OTUB2: variants seen among roughly 807,000 people sequenced by gnomAD.
OTUB2 encodes the protein ubiquitin thioesterase OTUB2.
A neutral mutation model predicts 25.1 loss-of-function variants in OTUB2; 21 were observed. The observed-to-expected ratio is 0.84, with a 90% CI of 0.59 to 1.21. The LOEUF is 1.21. Among genes scored for constraint, OTUB2 ranks in the 50% most tolerant of loss-of-function variants. The pLI is 0.00. For synonymous variants in OTUB2, 122 were observed against 122.8 expected (o/e 0.99, Z 0.04); for missense variants, 283 against 298.0 (o/e 0.95, Z 0.37).
At position 94,044,770 on chromosome 14, in the gene OTUB2, T is replaced by A. The variant is rs746638881; in HGVS notation, c.488T>A (p.Phe163Tyr). 12 of 1,612,464 alleles carry A rather than the reference T, an allele frequency of 7.4e-6. 1 individual carries two copies. The South Asian group carries it at 1.2e-4, about 16-fold the overall frequency. The change falls in exon 5 of 6, where the codon TTC becomes TAC. Residue 163 changes from phenylalanine (F) to tyrosine (Y), a missense_variant. Transcript: ENST00000203664. The stretch of plus-strand genomic sequence containing the variant: ...GATGAGGAGATGGACATCAAAGACT[T>A]CTGCACTCACGTAGGTGCTTGGGGT... ...FIDEEMDIKD[F>Y]CTHEVEPMAT...
At chr14:94,029,380 G>C (rs1567050531) in intron 1 of OTUB2, among the ~76,000 whole-genome samples, 1 of 152,206 alleles carries the variant, frequency 6.6e-6, no homozygotes, top group Non-Finnish European at 1.5e-5. Context: ...TCCAGATCAA[G>C]GTGTCAGCAG....
chr14:94,038,040 T>C (rs1322655418), intron 2 of OTUB2, among the ~76,000 whole-genome samples: 1 of 152,252 alleles, frequency 6.6e-6, no homozygotes, highest in African/African-American at 2.4e-5. Context: ...CTCTCTGCAC[T>C]CTGCAGGTCT....
intron 3 of OTUB2, 104 bp downstream of exon 3, chr14:94,039,185 G>A (rs1369741406): frequency 3.3e-6 from 3 of 902,416 alleles, no homozygotes; most frequent in East Asian, 2.4e-5. Flanking sequence ...TTAACCCAGA[G>A]AATGAGCTGA....
chr14:94,045,392 T>G (rs942538738), intron 5 of OTUB2, among the ~76,000 whole-genome samples: 1 of 152,232 alleles, frequency 6.6e-6, no homozygotes, highest in Admixed American at 6.5e-5. Flanking sequence ...TAAGATTCTT[T>G]GATGCCCAAC....
intron 1 of OTUB2, among the ~76,000 whole-genome samples, chr14:94,031,385 C>T (rs928063985): frequency 4.6e-5 from 7 of 152,162 alleles, no homozygotes; most frequent in Admixed American, 3.9e-4. Context: ...CTGCGGGCTG[C>T]TTGAGGAGTC....
At chr14:94,029,687 G>A (rs554821062) in intron 1 of OTUB2, among the ~76,000 whole-genome samples, 1 of 152,298 alleles carries the variant, frequency 6.6e-6, no homozygotes, top group Non-Finnish European at 1.5e-5. Context: ...GAATTTTGGT[G>A]GGGGGACACA....
intron 1 of OTUB2, among the ~76,000 whole-genome samples, chr14:94,031,438 G>A (rs941605753): frequency 1.3e-5 from 2 of 152,110 alleles, no homozygotes; most frequent in South Asian, 2.1e-4. Context: ...CAGAGGCTTG[G>A]GAGGGAAAAC....
Position 94,048,882 on chromosome 14 carries a change from C to G in OTUB2, c.*2960C>G, listed in dbSNP as rs775306730. The stretch of plus-strand genomic sequence containing the variant: ...ATGTGGGCCAAGCCCTACAGCTTCC[C>G]TAGGCAGTAAGTAAAAACATTCTCC... On this transcript the variant is annotated 3_prime_UTR_variant, in exon 6 of 6. Coordinates refer to ENST00000203664, the MANE Select transcript of OTUB2 (RefSeq NM_023112.4). The G allele has an allele frequency of 3.3e-5, 5 of 152,246 alleles. No homozygotes were observed. Among genetic ancestry groups the G allele is most frequent in the African/African-American group, 4.8e-5 (2 of 41,468 alleles). The allele number at this position is 152,246 out of a possible 1,614,324, so 9.4% of individuals were successfully genotyped here.
chr14:94,040,635 C>T (rs990003347), intron 3 of OTUB2, among the ~76,000 whole-genome samples: 4 of 152,202 alleles, frequency 2.6e-5, no homozygotes, highest in Non-Finnish European at 5.9e-5. Context: ...ACCTTCACTC[C>T]GTCCTGTCTC....
At chr14:94,029,242 C>T (rs750680877) in intron 1 of OTUB2, among the ~76,000 whole-genome samples, 32 of 152,184 alleles carry the variant, frequency 2.1e-4, no homozygotes, top group Non-Finnish European at 3.7e-4. Flanking sequence ...CAGAGCCTGG[C>T]TAGTCCCATG....
chr14:94,045,572 T>C (rs930234380), intron 5 of OTUB2, 144 bp from the exon 6 acceptor site: 1 of 747,176 alleles, frequency 1.3e-6, no homozygotes, highest in Non-Finnish European at 2.2e-6. Context: ...CATGAGAACG[T>C]CCATACCCAA....
intron 2 of OTUB2, 99 bp downstream of exon 2, chr14:94,037,574 G>GA (rs1885081404): frequency 2.9e-6 from 2 of 681,574 alleles, no homozygotes; most frequent in African/African-American, 3.7e-5. Context: ...TTTGGGCCAG[G>GA]TTCCTGGGCA....
In OTUB2 at chr14:94,026,467, G is replaced by A. The variant is rs1224874272; in HGVS notation, c.-71G>A. On this transcript the variant is annotated 5_prime_UTR_variant, in exon 1 of 6. Coordinates refer to ENST00000203664, the MANE Select transcript of OTUB2 (RefSeq NM_023112.4). ...CGAACCAGCGGCGGAGCCCGCCCGC[G>A]CCTCCCGCGGCATTCCCGCACCGGA... The A allele has an allele frequency of 2.3e-6, 3 of 1,322,672 alleles. No individual in the cohort carries two copies. Among genetic ancestry groups the A allele is most frequent in the Admixed American group, 3.7e-5 (1 of 27,126 alleles). The allele number at this position is 1,322,672 out of a possible 1,614,324, so 81.9% of individuals were successfully genotyped here. A position where few individuals can be genotyped will look rare whatever the true frequency, so the allele number is the denominator to read the frequency against.
chr14:94,044,191 G>A, intron 4 of OTUB2, 136 bp downstream of exon 4: 9 of 901,668 alleles, frequency 1.0e-5, no homozygotes, highest in South Asian at 1.0e-4. Flanking sequence ...TTGTGGGGGT[G>A]TGTGGGCACA....
At position 94,035,286 on chromosome 14, in the gene OTUB2, CTTT is replaced by C. The variant is rs761154708; in HGVS notation, c.4-2075_4-2073del. Among the ~76,000 whole-genome samples, 157 of 104,028 alleles carry C rather than the reference CTTT, an allele frequency of 1.5e-3. 1 individual carries two copies. The highest frequency in any genetic ancestry group is 0.015 in the South Asian group (44 of 3,018). 68.2% of individuals were successfully genotyped at this position (104,028 alleles called of 152,430 possible). A position where few individuals can be genotyped will look rare whatever the true frequency, so the allele number is the denominator to read the frequency against. ...CATCCAGTTCTTTTTTTTTTCTTTTCTTTTTTTTTTTTTTTTTTTTTGAGACAG... is the reference window on the plus strand; with the variant it reads ...CATCCAGTTCTTTTTTTTTTCTTTTCTTTTTTTTTTTTTTTTTTGAGACAG... On this transcript the variant is annotated intron_variant, in intron 1 of 5. Transcript: ENST00000203664.
Position 94,045,717 on chromosome 14 carries a change from A to G in OTUB2, c.500A>G (p.Glu167Gly), listed in dbSNP as rs749765165. Residue 167 changes from glutamate (E) to glycine (G), a missense_variant and splice_region_variant, in exon 6 of 6, where the codon GAA becomes GGA. Coordinates refer to ENST00000203664, the MANE Select transcript of OTUB2 (RefSeq NM_023112.4). ...TTGTTTTCATTTTGGCCCCTGCAGG[A>G]AGTAGAGCCCATGGCCACGGAGTGT... Reference protein sequence around the residue: ...EMDIKDFCTHEVEPMATECDH... With the variant: ...EMDIKDFCTHGVEPMATECDH... The G allele has an allele frequency of 6.2e-7, 1 of 1,613,982 alleles. No individual in the cohort carries two copies. Among genetic ancestry groups the G allele is most frequent in the Non-Finnish European group, 8.5e-7 (1 of 1,179,904 alleles).
At chr14:94,035,286 C>CTTTTTTTTTTTTTTTTTTT (rs761154708) in intron 1 of OTUB2, among the ~76,000 whole-genome samples, 3 of 104,038 alleles carry the variant, frequency 2.9e-5, no homozygotes, top group African/African-American at 3.7e-5. Context: ...TTTTTCTTTT[C>CTTTTTTTTTTTTTTTTTTT]TTTTTTTTTT....
In OTUB2 at chr14:94,040,415, C is replaced by T. The variant is rs142756885; in HGVS notation, c.218+1334C>T. ...TGTCCCCTGGAGTTGTGCCATGCAGCAGCCCTGGGCTCTGAGGCCAGACCT... is the reference window on the plus strand; with the variant it reads ...TGTCCCCTGGAGTTGTGCCATGCAGTAGCCCTGGGCTCTGAGGCCAGACCT... On this transcript the variant is annotated intron_variant, in intron 3 of 5. Transcript: ENST00000203664. Among the ~76,000 whole-genome samples the T allele has an allele frequency of 1.2e-4, 18 of 152,356 alleles. 1 individual carries two copies. The highest frequency in any genetic ancestry group is 1.0e-4 in the Non-Finnish European group (7 of 68,034).
intron 1 of OTUB2, among the ~76,000 whole-genome samples, chr14:94,037,011 C>T (rs371960298): frequency 2.6e-5 from 4 of 152,136 alleles, no homozygotes; most frequent in South Asian, 2.1e-4. Flanking sequence ...AATGAATGAA[C>T]GAATGAATGA....
Sources: gnomAD v4.1 joint callset for allele counts (sites outside exome capture counted in the v4.1 genomes callset) on GRCh38, gnomAD v4.1.1 for gene constraint, MANE v1.5 for transcripts, NCBI Gene and HGNC (gene_info 2026-07-23, HGNC 2026-07-21) for gene names.